EDIL3: variants seen among roughly 807,000 people sequenced by gnomAD.
EDIL3 encodes EGF-like repeat and discoidin I-like domain-containing protein 3.
In EDIL3, 37 loss-of-function variants were observed where a neutral mutation model predicts 67.4. The observed-to-expected ratio is 0.55, with a 90% CI of 0.42 to 0.72. The LOEUF (loss-of-function observed/expected upper bound fraction) is 0.72, where lower values mean the gene tolerates loss of function less well. EDIL3 is among the 30% of genes least tolerant of loss of function. The pLI is 0.00. For missense variants in EDIL3, 527 were observed against 586.3 expected (o/e 0.90, Z 1.04); for synonymous variants, 195 against 196.3 (o/e 0.99, Z 0.05).
chr5:84,137,520 C>G (rs1748114919), intron 4 of EDIL3, among the ~76,000 whole-genome samples, 166 bp from the exon 5 acceptor site: 1 of 152,072 alleles, frequency 6.6e-6, no homozygotes, highest in Non-Finnish European at 1.5e-5. Context: ...TTAAAACCAA[C>G]AATTTAATAA....
chr5:84,286,845 G>C (rs1745815286), intron 1 of EDIL3, among the ~76,000 whole-genome samples: 1 of 152,128 alleles, frequency 6.6e-6, no homozygotes, highest in Non-Finnish European at 1.5e-5. Context: ...GTTCCCAGTG[G>C]GGCAGCCTGT....
At chr5:84,175,315 G>A (rs1053306851) in intron 4 of EDIL3, among the ~76,000 whole-genome samples, 16 of 152,010 alleles carry the variant, frequency 1.1e-4, no homozygotes, top group Non-Finnish European at 2.9e-5. Context: ...TACATAGTGA[G>A]CCTTAGCCTC....
intron 1 of EDIL3, among the ~76,000 whole-genome samples, chr5:84,263,562 T>C (rs1745278901): frequency 6.6e-6 from 1 of 152,204 alleles, no homozygotes; most frequent in Non-Finnish European, 1.5e-5. Context: ...TCTGCTACTC[T>C]CTAATTATTC....
At chr5:84,286,310 G>C (rs999484184) in intron 1 of EDIL3, among the ~76,000 whole-genome samples, 2 of 152,136 alleles carry the variant, frequency 1.3e-5, no homozygotes, top group Non-Finnish European at 2.9e-5. Context: ...GGGAGTCATA[G>C]AGCCTGTCGT....
At chr5:84,360,715 A>G (rs1157649140) in intron 1 of EDIL3, among the ~76,000 whole-genome samples, 1 of 152,168 alleles carries the variant, frequency 6.6e-6, no homozygotes, top group Non-Finnish European at 1.5e-5. Flanking sequence ...ACATATTGGC[A>G]TGGCAAAAAG....
chr5:84,252,432 T>C (rs1214374326), intron 2 of EDIL3, among the ~76,000 whole-genome samples: 1 of 135,108 alleles, frequency 7.4e-6, no homozygotes, highest in African/African-American at 2.8e-5. Flanking sequence ...GTGCGGAGCT[T>C]GCAGCGAGCT....
chr5:84,127,596 T>G (rs1747890159), intron 5 of EDIL3, among the ~76,000 whole-genome samples: 1 of 152,116 alleles, frequency 6.6e-6, no homozygotes, highest in South Asian at 2.1e-4. Context: ...GGGCCATTAA[T>G]GGTTTTAGCT....
At chr5:84,054,937 T>C (rs1192417020) in intron 9 of EDIL3, among the ~76,000 whole-genome samples, 7 of 145,686 alleles carry the variant, frequency 4.8e-5, no homozygotes, top group African/African-American at 1.9e-4. Context: ...AATGACTTTC[T>C]TCACAGAATT....
intron 4 of EDIL3, among the ~76,000 whole-genome samples, chr5:84,159,306 C>A (rs1324100348): frequency 6.6e-6 from 1 of 152,002 alleles, no homozygotes; most frequent in Non-Finnish European, 1.5e-5. Flanking sequence ...CTTCCTGCTG[C>A]ATAAAATTCT....
At chr5:84,234,216 G>T (rs1252014974) in intron 2 of EDIL3, among the ~76,000 whole-genome samples, 2 of 152,174 alleles carry the variant, frequency 1.3e-5, no homozygotes, top group African/African-American at 4.8e-5. Context: ...TTTTTCCAGG[G>T]AGCTTACCAC....
intron 6 of EDIL3, among the ~76,000 whole-genome samples, chr5:84,066,990 T>C (rs1409865589): frequency 6.6e-6 from 1 of 152,186 alleles, no homozygotes; most frequent in Admixed American, 6.5e-5. Flanking sequence ...ACATAACTAT[T>C]AATGTGTATA....
At chr5:84,180,355 C>T in intron 4 of EDIL3, 38 bp downstream of exon 4, 1 of 1,538,688 alleles carries the variant, frequency 6.5e-7, no homozygotes, top group Non-Finnish European at 8.7e-7. Context: ...ACTTTGTAAT[C>T]AATAATAATA....
chr5:84,347,543 T>A (rs1048856982), intron 1 of EDIL3, among the ~76,000 whole-genome samples: 1 of 152,208 alleles, frequency 6.6e-6, no homozygotes, highest in African/African-American at 2.4e-5. Context: ...TCTGATAATC[T>A]CAGATACATA....
chr5:84,173,653 G>A (rs1748851722), intron 4 of EDIL3, among the ~76,000 whole-genome samples: 1 of 152,158 alleles, frequency 6.6e-6, no homozygotes, highest in South Asian at 2.1e-4. Flanking sequence ...GACTTGAGAT[G>A]AGTAAAATGG....
chr5:83,949,896 G>C (rs1744387466), intron 10 of EDIL3, among the ~76,000 whole-genome samples: 1 of 151,832 alleles, frequency 6.6e-6, no homozygotes, highest in Non-Finnish European at 1.5e-5. Flanking sequence ...GGCCACACCA[G>C]ATAGCCTATG....
At chr5:84,193,073 C>G (rs1261520274) in intron 3 of EDIL3, among the ~76,000 whole-genome samples, 1 of 151,858 alleles carries the variant, frequency 6.6e-6, no homozygotes, top group African/African-American at 2.4e-5. Context: ...AACCGGGCAG[C>G]CTTCAAAGGC....
chr5:84,189,143 G>T (rs1164668482), intron 3 of EDIL3, among the ~76,000 whole-genome samples: 19 of 151,936 alleles, frequency 1.3e-4, no homozygotes. Flanking sequence ...AATTTTACTT[G>T]GTTCTCGTCA....
chr5:84,026,151 T>C (rs762467357), intron 9 of EDIL3, among the ~76,000 whole-genome samples: 2 of 152,198 alleles, frequency 1.3e-5, no homozygotes, highest in African/African-American at 4.8e-5. Context: ...CACTAAAGGA[T>C]GTACTGACTC....
chr5:84,057,000 G>A (rs1228718696), intron 9 of EDIL3, among the ~76,000 whole-genome samples: 1 of 151,950 alleles, frequency 6.6e-6, no homozygotes, highest in Admixed American at 6.6e-5. Context: ...TCTCTTGAGG[G>A]GAAAACACTA....
Sources: allele counts gnomAD v4.1 joint callset (sites outside exome capture counted in the v4.1 genomes callset), GRCh38; gene constraint gnomAD v4.1.1; transcripts MANE v1.5; gene names NCBI Gene and HGNC (gene_info 2026-07-23, HGNC 2026-07-21).